Variants in KCTD2 observed in about 807,000 individuals in gnomAD.
KCTD2 encodes potassium channel tetramerization domain containing 2, also known as BTB/POZ domain-containing protein KCTD2.
In KCTD2, 18 loss-of-function variants were observed where a neutral mutation model predicts 27.9. That is an observed-to-expected ratio of 0.64 (90% CI 0.45 to 0.96). The LOEUF (loss-of-function observed/expected upper bound fraction) is 0.96, where lower values mean the gene tolerates loss of function less well. Among genes scored for constraint, KCTD2 ranks in the 40% least tolerant of loss-of-function variants. KCTD2 has a pLI of 0.00. For missense variants in KCTD2, 280 were observed against 348.0 expected (o/e 0.80, Z 1.56); for synonymous variants, 175 against 148.4 (o/e 1.18, Z -1.30).
chr17:75,042,376 C>T, upstream of KCTD2: 1 of 1,494,366 alleles, frequency 6.7e-7, no homozygotes, highest in Non-Finnish European at 9.2e-7. Context: ...TGGAGGGTCA[C>T]CACACTTTCC....
At chr17:75,062,386 T>C (rs771789902) in intron 5 of KCTD2, 141 bp downstream of exon 5, 3 of 778,640 alleles carry the variant, frequency 3.9e-6, no homozygotes, top group Non-Finnish European at 5.8e-6. Flanking sequence ...TTTGTTATTT[T>C]TGACTGTTGT....
upstream of KCTD2, chr17:75,042,748 A>G (rs1359550203): frequency 1.9e-5 from 25 of 1,293,988 alleles, no homozygotes; most frequent in Middle Eastern, 2.2e-4. Context: ...AAGAGCTCTT[A>G]GAGAGAATCC....
rs376593985 is a variant in KCTD2, at chr17:75,053,073, A to C, written c.508A>C (p.Arg170=). The stretch of plus-strand genomic sequence containing the variant: ...GTCCCTTGTGCGGCTGGTTAAGGAA[A>C]GGATACGGGACAATGAGAACAGAAC... The part of the protein sequence containing the change: ...IASLVRLVKE[R]IRDNENRTSQ... Residue 170 remains arginine (R), a synonymous_variant, in exon 3 of 6, where the codon AGG becomes CGG. Transcript: ENST00000322444. 6.2e-7 allele frequency: 1 copy of C among 1,614,046 alleles called. No individual in the cohort carries two copies.
chr17:75,038,287 G>T (rs535366381), intron 3 of KCTD2, among the ~76,000 whole-genome samples: 1 of 151,426 alleles, frequency 6.6e-6, no homozygotes, highest in Non-Finnish European at 1.5e-5. Flanking sequence ...GGCGCCCCCC[G>T]CCCCACCACC....
chr17:75,047,688 C>A, intron 1 of KCTD2, 99 bp downstream of exon 1: 1 of 1,286,042 alleles, frequency 7.8e-7, no homozygotes. Flanking sequence ...ACAGGCAGCC[C>A]CCTCAGGCCG....
chr17:75,039,722 G>A lies in KCTD2; in HGVS notation c.-259+4365G>A, dbSNP rs556816290. ...ACTCCTTGTTTCTAACAGCTTTGTTGAGGTATATCTGAAATATGATAAAAT... is the reference window on the plus strand; with the variant it reads ...ACTCCTTGTTTCTAACAGCTTTGTTAAGGTATATCTGAAATATGATAAAAT... On this transcript the variant is annotated intron_variant, in intron 3 of 7. Transcript: ENST00000581589. 6 of 267,040 alleles carry A rather than the reference G, an allele frequency of 2.2e-5. No homozygotes were observed. In the South Asian group the frequency reaches 3.8e-4, roughly 17 times the overall value. The allele number at this position is 267,040 out of a possible 1,614,324, so 16.5% of individuals were successfully genotyped here.
chr17:75,057,822 A>T (rs959529855), intron 3 of KCTD2, among the ~76,000 whole-genome samples: 1 of 151,838 alleles, frequency 6.6e-6, no homozygotes. Context: ...CGGTCTCCCA[A>T]AGTGCTGGGA....
Position 75,047,281 on chromosome 17 carries a change from G to A in KCTD2, c.31G>A (p.Ala11Thr). MAELQLDPAM[A>T]GLGGGGGSGV... ...GGAACTGCAGCTGGACCCGGCGATGGCGGGGCTGGGAGGGGGCGGCGGGAG... is the reference window on the plus strand; with the variant it reads ...GGAACTGCAGCTGGACCCGGCGATGACGGGGCTGGGAGGGGGCGGCGGGAG... The change falls in exon 1 of 6, where the codon GCG becomes ACG. Residue 11 changes from alanine (A) to threonine (T), a missense_variant. By Grantham distance (58) the Ala-to-Thr change is moderately conservative. Transcript: ENST00000322444. 1 of 1,124,446 alleles carries A rather than the reference G, an allele frequency of 8.9e-7. No individual in the cohort carries two copies. Among genetic ancestry groups the A allele is most frequent in the Non-Finnish European group, 1.1e-6 (1 of 899,996 alleles). The allele number at this position is 1,124,446 out of a possible 1,614,324, so 69.7% of individuals were successfully genotyped here. A position where few individuals can be genotyped will look rare whatever the true frequency, so the allele number is the denominator to read the frequency against.
At chr17:75,059,738 TG>T (rs1022427722) in intron 4 of KCTD2, 133 bp downstream of exon 4, 35 of 660,332 alleles carry the variant, frequency 5.3e-5, no homozygotes, top group Middle Eastern at 3.8e-4. Context: ...TTCCAAAACA[TG>T]GGCAAAGAGC....
chr17:75,063,163 C>T lies in KCTD2; in HGVS notation c.*116C>T. ...CACTGCAAAGCACAGCTGATCCTGGCCCCCTGTGAAGAAGTGTTCTGGTCA... is the reference window on the plus strand; with the variant it reads ...CACTGCAAAGCACAGCTGATCCTGGTCCCCTGTGAAGAAGTGTTCTGGTCA... On this transcript the variant is annotated 3_prime_UTR_variant, in exon 6 of 6. Coordinates refer to ENST00000322444, the MANE Select transcript of KCTD2 (RefSeq NM_015353.3). The T allele has an allele frequency of 2.0e-6, 2 of 994,574 alleles. No homozygotes were observed. The highest frequency in any genetic ancestry group is 1.6e-6 in the Non-Finnish European group (1 of 632,120). 61.6% of individuals were successfully genotyped at this position (994,574 alleles called of 1,614,324 possible). A position where few individuals can be genotyped will look rare whatever the true frequency, so the allele number is the denominator to read the frequency against.
chr17:75,046,362 G>A (rs928049835), upstream of KCTD2, among the ~76,000 whole-genome samples: 2 of 152,174 alleles, frequency 1.3e-5, no homozygotes, highest in African/African-American at 4.8e-5. Context: ...GATTACAGGC[G>A]TGAGCCACCG....
intron 3 of KCTD2, among the ~76,000 whole-genome samples, chr17:75,037,221 G>A (rs1396946198): frequency 6.6e-6 from 1 of 151,904 alleles, no homozygotes; most frequent in Non-Finnish European, 1.5e-5. Flanking sequence ...GCGGGCGCCT[G>A]TACTCCCAGC....
intron 3 of KCTD2, among the ~76,000 whole-genome samples, chr17:75,053,594 C>T (rs2073315663): frequency 1.3e-5 from 2 of 152,164 alleles, no homozygotes; most frequent in African/African-American, 4.8e-5. Flanking sequence ...GTGTGTGCCA[C>T]CACGCCTGAC....
Position 75,053,043 on chromosome 17 carries a change from A to G in KCTD2, c.478A>G (p.Ile160Val), listed in dbSNP as rs1472022051. ...GCTGGAGGAAGCGGAGTTTTACAAC[A>G]TCGCGTCCCTTGTGCGGCTGGTTAA... Reference protein sequence around the residue: ...GVLEEAEFYNIASLVRLVKER... With the variant: ...GVLEEAEFYNVASLVRLVKER... Residue 160 changes from isoleucine to valine, a missense_variant, in exon 3 of 6, where the codon ATC becomes GTC. By Grantham distance (29) the Ile-to-Val change is conservative (BLOSUM62 3). Coordinates refer to ENST00000322444, the MANE Select transcript of KCTD2 (RefSeq NM_015353.3). The G allele has an allele frequency of 1.9e-6, 3 of 1,614,030 alleles. No individual in the cohort carries two copies. The Admixed American group carries it at 5.0e-5, about 27-fold the overall frequency.
chr17:75,055,681 A>C (rs1416561283), intron 3 of KCTD2, among the ~76,000 whole-genome samples: 1 of 152,080 alleles, frequency 6.6e-6, no homozygotes, highest in Non-Finnish European at 1.5e-5. Context: ...TAAAAATACA[A>C]AAGTAGCTGG....
intron 1 of KCTD2, chr17:75,048,921 T>C: frequency 4.1e-6 from 1 of 241,640 alleles, no homozygotes; most frequent in Middle Eastern, 1.4e-3. Flanking sequence ...TTTGTCACTG[T>C]AATTATTGTC....
In KCTD2 at chr17:75,054,580, C is replaced by A. The variant is rs952753271; in HGVS notation, c.540+1475C>A. Among the ~76,000 whole-genome samples the A allele has an allele frequency of 1.1e-4, 17 of 152,062 alleles. No homozygotes were observed. The South Asian group carries it at 3.3e-3, about 30-fold the overall frequency. ...CAGCACTTTGGGAGGCCGAGACGGG[C>A]AGATCATGAGGTCAGGAGATCGAGA... On this transcript the variant is annotated intron_variant, in intron 3 of 5. Coordinates refer to ENST00000322444, the MANE Select transcript of KCTD2 (RefSeq NM_015353.3).
intron 3 of KCTD2, among the ~76,000 whole-genome samples, chr17:75,054,524 G>A (rs2073329415): frequency 2.0e-5 from 3 of 152,048 alleles, no homozygotes; most frequent in Admixed American, 2.0e-4. Flanking sequence ...GCTTGAAGTC[G>A]GCCGGGCGCG....
At chr17:75,039,751 C>T in intron 3 of KCTD2, 1 of 300,410 alleles carries the variant, frequency 3.3e-6, no homozygotes, top group Non-Finnish European at 6.2e-6. Flanking sequence ...ATAAAATGCA[C>T]ATATTTAAAG....
Sources: allele counts gnomAD v4.1 joint callset (sites outside exome capture counted in the v4.1 genomes callset), GRCh38; gene constraint gnomAD v4.1.1; transcripts MANE v1.5; gene names NCBI Gene and HGNC (gene_info 2026-07-23, HGNC 2026-07-21).